The following CCNJ variants were observed in gnomAD, a reference collection of about 807,000 sequenced individuals.
CCNJ encodes cyclin-J.
In CCNJ, 12 loss-of-function variants were observed where a neutral mutation model predicts 41.4. The observed-to-expected ratio is 0.29, with a 90% confidence interval of 0.19 to 0.47. The LOEUF is 0.47. Ranked by LOEUF, CCNJ falls within the 20% of genes least tolerant of loss-of-function variation. CCNJ has a pLI of 1.00. For synonymous variants in CCNJ, 161 were observed against 173.4 expected, an observed-to-expected ratio of 0.93 and a Z score of 0.56; for missense variants, 340 against 464.6, an observed-to-expected ratio of 0.73 and a Z score of 2.47.
At position 96,058,061 on chromosome 10, in the gene CCNJ, A is replaced by G; in HGVS notation, c.972A>G (p.Thr324=). 6.2e-7 allele frequency: 1 copy of G among 1,614,062 alleles called. No individual in the cohort carries two copies. Among genetic ancestry groups the G allele is most frequent in the Admixed American group, 1.7e-5 (1 of 60,014 alleles). ...CGACCACACACACCTCATCTTACAC[A>G]CTACAGACATGTCCTGCTGGCTTCC... ...IVSTTHTSSY[T]LQTCPAGFQT... is the part of the protein sequence containing the mutation. Residue 324 remains threonine, a synonymous_variant, in exon 6 of 6, where the codon ACA becomes ACG. Coordinates refer to ENST00000465148, the MANE Select transcript of CCNJ (RefSeq NM_001134375.2).
At position 96,057,830 on chromosome 10, in the gene CCNJ, C is replaced by T. The variant is rs766929917; in HGVS notation, c.741C>T (p.Ile247=). 9.9e-6 allele frequency: 16 copies of T among 1,611,770 alleles called. No individual in the cohort carries two copies. The highest frequency in any genetic ancestry group is 1.6e-4 in the Middle Eastern group (1 of 6,082). The change falls in exon 6 of 6, where the codon ATC becomes ATT. Residue 247 remains isoleucine (I), a splice_region_variant and synonymous_variant. Transcript: ENST00000465148. The part of the protein sequence containing the change: ...FLVQCIERLL[I]AHDNDVKEAN... The stretch of plus-strand genomic sequence containing the variant: ...AGTTTCCTTTCTCTCCACGTTTCAG[C>T]GCTCATGATAATGATGTGAAAGAAG...
rs1473960525 is a variant in CCNJ, at chr10:96,058,547, G to A, written c.*306G>A. On this transcript the variant is annotated 3_prime_UTR_variant, in exon 6 of 6. Coordinates refer to ENST00000465148, the MANE Select transcript of CCNJ (RefSeq NM_001134375.2). ...AGAAAATTTGGACAGACTTCAATTT[G>A]CCATTTTGAGATTTGACCTGTGGTA... 2.0e-5 allele frequency: 9 copies of A among 456,238 alleles called. No homozygotes were observed. Among genetic ancestry groups the A allele is most frequent in the East Asian group, 1.3e-4 (4 of 31,594 alleles). The allele number at this position is 456,238 out of a possible 1,614,324, so 28.3% of individuals were successfully genotyped here.
intron 3 of CCNJ, among the ~76,000 whole-genome samples, chr10:96,052,190 T>G (rs947994679): frequency 6.6e-6 from 1 of 152,182 alleles, no homozygotes; most frequent in Non-Finnish European, 1.5e-5. Context: ...AGTAATCATG[T>G]GTGTAATACT....
intron 5 of CCNJ, 28 bp downstream of exon 5, chr10:96,057,275 C>T (rs907001760): frequency 3.8e-6 from 6 of 1,596,562 alleles, no homozygotes; most frequent in Non-Finnish European, 5.1e-6. Flanking sequence ...TGTGTTTGTA[C>T]TTTCTCATTA....
At chr10:96,046,516 A>G (rs1215380144) in intron 2 of CCNJ, among the ~76,000 whole-genome samples, 1 of 152,248 alleles carries the variant, frequency 6.6e-6, no homozygotes, top group Non-Finnish European at 1.5e-5. Context: ...TATGACATAC[A>G]TGATATCATG....
At chr10:96,044,160 G>A (rs2080293478) in intron 1 of CCNJ, among the ~76,000 whole-genome samples, 193 bp from the exon 2 acceptor site, 1 of 152,244 alleles carries the variant, frequency 6.6e-6, no homozygotes, top group South Asian at 2.1e-4. Context: ...AGAGTCCTTC[G>A]GCTCTTCCTG....
At chr10:96,051,945 A>G (rs1011168338) in intron 3 of CCNJ, among the ~76,000 whole-genome samples, 1 of 152,208 alleles carries the variant, frequency 6.6e-6, no homozygotes, top group Non-Finnish European at 1.5e-5. Context: ...TGTAGTGTTT[A>G]GAATCTTTCA....
chr10:96,058,729 T>G lies in CCNJ; in HGVS notation c.*488T>G. On this transcript the variant is annotated 3_prime_UTR_variant, in exon 6 of 6. Transcript: ENST00000465148. Reference sequence around the variant, plus strand: ...TTTTATTTTTGTTCTACACATGAATTTTTGACTAAGTTTAAACTCATGAAT... The same window carrying G: ...TTTTATTTTTGTTCTACACATGAATGTTTGACTAAGTTTAAACTCATGAAT... The G allele has an allele frequency of 2.6e-6, 1 of 381,346 alleles. No homozygotes were observed. The highest frequency in any genetic ancestry group is 4.6e-6 in the Non-Finnish European group (1 of 215,840). 23.6% of individuals were successfully genotyped at this position (381,346 alleles called of 1,614,324 possible). A position where few individuals can be genotyped will look rare whatever the true frequency, so the allele number is the denominator to read the frequency against.
At chr10:96,043,980 C>T (rs1248199367) in intron 1 of CCNJ, among the ~76,000 whole-genome samples, 1 of 152,190 alleles carries the variant, frequency 6.6e-6, no homozygotes, top group African/African-American at 2.4e-5. Context: ...ATGAGCGTGT[C>T]ACCTCTCCCC....
rs768539152 is a variant in CCNJ, at chr10:96,050,272, C to G, written c.86C>G (p.Ser29Cys). Residue 29 changes from serine (S) to cysteine (C), a missense_variant, in exon 3 of 6, where the codon TCC becomes TGC. Coordinates refer to ENST00000465148, the MANE Select transcript of CCNJ (RefSeq NM_001134375.2). Reference sequence around the variant, plus strand: ...TTGACTTAGGAGCTGAAGTTGCCCTCCTATAAAGGCCAGTCCCCTCAGTTA... The same window carrying G: ...TTGACTTAGGAGCTGAAGTTGCCCTGCTATAAAGGCCAGTCCCCTCAGTTA... ...ALRYKELKLP[S>C]YKGQSPQLSL... is the part of the protein sequence containing the mutation. 2.5e-6 allele frequency: 4 copies of G among 1,613,890 alleles called. No individual in the cohort carries two copies. In the Admixed American group the frequency reaches 6.7e-5, roughly 27 times the overall value.
At chr10:96,043,579 C>A (rs190391349), upstream of CCNJ, 1 of 395,062 alleles carries the variant, frequency 2.5e-6, no homozygotes, top group African/African-American at 2.1e-5. Flanking sequence ...CCTGCCGGTC[C>A]TTTAACAATG....
rs565322965 is a variant in CCNJ at position 96,051,329 on chromosome 10, GT to G, written c.280+872del. ...GGGCACGTAAAGGAATTGAAATTGT[GT>G]TTTTTTTTCTTTTAATAATGTGGAA... On this transcript the variant is annotated intron_variant, in intron 3 of 5. Coordinates refer to ENST00000465148, the MANE Select transcript of CCNJ (RefSeq NM_001134375.2). 1.7e-3 allele frequency among the ~76,000 whole-genome samples: 253 copies of G among 150,704 alleles called. 1 individual carries two copies. Among genetic ancestry groups the G allele is most frequent in the African/African-American group, 5.6e-3 (229 of 41,078 alleles).
At chr10:96,046,227 G>GT (rs2080359668) in intron 2 of CCNJ, among the ~76,000 whole-genome samples, 3 of 152,198 alleles carry the variant, frequency 2.0e-5, no homozygotes, top group Non-Finnish European at 1.5e-5. Context: ...GTGAAGGAAT[G>GT]CCACTGAAAG....
At chr10:96,048,985 G>A (rs2080443523) in intron 2 of CCNJ, among the ~76,000 whole-genome samples, 1 of 152,066 alleles carries the variant, frequency 6.6e-6, no homozygotes, top group Admixed American at 6.6e-5. Context: ...ATTTATTGAG[G>A]GATTGCCATA....
At chr10:96,050,586 G>A in intron 3 of CCNJ, 120 bp downstream of exon 3, 1 of 728,490 alleles carries the variant, frequency 1.4e-6, no homozygotes, top group Non-Finnish European at 2.3e-6. Flanking sequence ...CTAGTATCAA[G>A]AAGCTTATGT....
chr10:96,054,287 A>C (rs2080615969), intron 3 of CCNJ, among the ~76,000 whole-genome samples: 1 of 152,176 alleles, frequency 6.6e-6, no homozygotes, highest in African/African-American at 2.4e-5. Flanking sequence ...GTGTGTGGTA[A>C]TGTGGATAAG....
intron 2 of CCNJ, among the ~76,000 whole-genome samples, chr10:96,049,481 C>CTTTTTTTTTTT (rs150769179): frequency 3.9e-4 from 42 of 108,238 alleles, no homozygotes; most frequent in East Asian, 5.5e-4. Context: ...TTTTCTTTTT[C>CTTTTTTTTTTT]TTTTTTTTTT....
Position 96,050,309 on chromosome 10 carries a change from G to C in CCNJ, c.123G>C (p.Arg41=). ...AGTCCCCTCAGTTAAGTCTCAGACG[G>C]TATTTTGCTGACTTGATTGCCATTG... The part of the protein sequence containing the change: ...KGQSPQLSLR[R]YFADLIAIVS... Residue 41 remains arginine (R), a synonymous_variant, in exon 3 of 6, where the codon CGG becomes CGC. Transcript: ENST00000465148. 6.2e-7 allele frequency: 1 copy of C among 1,614,074 alleles called. No homozygotes were observed. Among genetic ancestry groups the C allele is most frequent in the Non-Finnish European group, 8.5e-7 (1 of 1,179,980 alleles).
At chr10:96,048,217 C>T (rs1368540512) in intron 2 of CCNJ, among the ~76,000 whole-genome samples, 2 of 152,102 alleles carry the variant, frequency 1.3e-5, no homozygotes, top group Non-Finnish European at 2.9e-5. Context: ...CATGTCTTTG[C>T]TCTTGTGAAT....
Sources: allele counts gnomAD v4.1 joint callset (sites outside exome capture counted in the v4.1 genomes callset), GRCh38; gene constraint gnomAD v4.1.1; transcripts MANE v1.5; gene names NCBI Gene and HGNC (gene_info 2026-07-23, HGNC 2026-07-21).